UMODL1: variants seen among roughly 807,000 people sequenced by gnomAD.
The protein encoded by UMODL1 is uromodulin-like 1.
A neutral mutation model predicts 136.3 loss-of-function variants in UMODL1; 128 were observed. The observed-to-expected ratio is 0.94, with a 90% CI of 0.81 to 1.09. The LOEUF (loss-of-function observed/expected upper bound fraction) is 1.09, where lower values mean the gene tolerates loss of function less well. UMODL1 is among the 50% of genes least tolerant of loss of function. The probability of loss-of-function intolerance (pLI) is 0.00; values close to 1 mark genes in which losing one functional copy is unlikely to be tolerated. For missense variants in UMODL1, 1,766 were observed against 1,725.6 expected, an observed-to-expected ratio of 1.02 and a Z score of -0.41; for synonymous variants, 721 against 720.0, an observed-to-expected ratio of 1.00 and a Z score of -0.02.
intron 6 of UMODL1, among the ~76,000 whole-genome samples, chr21:42,093,041 T>G (rs1374780462): frequency 1.3e-5 from 2 of 152,298 alleles, no homozygotes; most frequent in African/African-American, 4.8e-5. Context: ...GGGGCTGCCT[T>G]TTGTCCCAGT....
rs149424386 is a variant in UMODL1, at chr21:42,142,711, A to G, written c.*637A>G. ...CTCGATTAATGTGACAACCTTTTCA[A>G]TAAGCAGAAATAACGTAGGTACACA... On this transcript the variant is annotated 3_prime_UTR_variant, in exon 23 of 23. Transcript: ENST00000408910. The G allele has an allele frequency of 0.019, 2,822 of 152,368 alleles. 47 individuals are homozygous for G. The highest frequency in any genetic ancestry group is 0.028 in the Non-Finnish European group (1,922 of 68,034). 9.4% of individuals were successfully genotyped at this position (152,368 alleles called of 1,614,324 possible).
At chr21:42,075,907 G>A in intron 1 of UMODL1, 98 bp from the exon 2 acceptor site, 2 of 1,538,824 alleles carry the variant, frequency 1.3e-6, no homozygotes, top group Non-Finnish European at 8.8e-7. Context: ...CGGGAGGTGT[G>A]CTCTCACTTG....
chr21:42,123,070 T>G lies in UMODL1; in HGVS notation c.3067T>G (p.Ser1023Ala). ...GTCCTCGTTGTACCTCAGCCACCCC[T>G]CCTGCAACGTGAGCCACAGCAATGG... The part of the protein sequence containing the change: ...PESSLYLSHP[S>A]CNVSHSNGTH... The change falls in exon 17 of 23, where the codon TCC (serine) becomes GCC (alanine). Residue 1023 changes from serine to alanine, a missense_variant. Transcript: ENST00000408910. This position sits in a 1 kb window ranked among gnomAD's most constrained non-coding sequence, Gnocchi z 4.4. 2 of 1,614,032 alleles carry G rather than the reference T, an allele frequency of 1.2e-6. No individual in the cohort carries two copies. Among genetic ancestry groups the G allele is most frequent in the Non-Finnish European group, 1.7e-6 (2 of 1,180,012 alleles).
upstream of UMODL1, among the ~76,000 whole-genome samples, chr21:42,068,286 G>C (rs889135613): frequency 6.6e-6 from 1 of 152,214 alleles, no homozygotes; most frequent in African/African-American, 2.4e-5. The surrounding 1 kb of genome is among the most constrained non-coding windows in gnomAD (Gnocchi z 5.5). Flanking sequence ...CGGATGCCGG[G>C]GGGCCTATCC....
In UMODL1 at chr21:42,085,560, A is replaced by C; in HGVS notation, c.603+148A>C. On this transcript the variant is annotated intron_variant, in intron 4 of 22. Coordinates refer to ENST00000408910, the MANE Select transcript of UMODL1 (RefSeq NM_001004416.3). The surrounding 1 kb of genome is among the most constrained non-coding windows in gnomAD (Gnocchi z 4.5). ...AATGACTGACTCTGAACGAAATTCT[A>C]GTTCTTAAAAAATCAGCTTCAAAGA... 2 of 1,246,762 alleles carry C rather than the reference A, an allele frequency of 1.6e-6. No individual in the cohort carries two copies. Among genetic ancestry groups the C allele is most frequent in the Non-Finnish European group, 2.2e-6 (2 of 894,102 alleles). The allele number at this position is 1,246,762 out of a possible 1,614,324, so 77.2% of individuals were successfully genotyped here. A position where few individuals can be genotyped will look rare whatever the true frequency, so the allele number is the denominator to read the frequency against.
rs35813151 is a variant in UMODL1 at position 42,123,480 on chromosome 21, AGT to A, written c.3147+342_3147+343del. Among the ~76,000 whole-genome samples, 43,867 of 151,306 alleles carry A rather than the reference AGT, an allele frequency of 0.29. 6,481 individuals carry two copies. The highest frequency in any genetic ancestry group is 0.39 in the Middle Eastern group (114 of 294). ...GCCAAGGAGTCCTGTGTGATATGAG[AGT>A]GTGTGTGTGTGAGTGTACGTGTGTG... On this transcript the variant is annotated intron_variant, in intron 17 of 22. Transcript: ENST00000408910. The surrounding 1 kb of genome is among the most constrained non-coding windows in gnomAD (Gnocchi z 4.4).
chr21:42,085,363 A>T lies in UMODL1; in HGVS notation c.554A>T (p.Gln185Leu), dbSNP rs941201801. 7 of 1,613,982 alleles carry T rather than the reference A, an allele frequency of 4.3e-6. No individual in the cohort carries two copies. In the African/African-American group the frequency reaches 9.3e-5, roughly 22 times the overall value. ...ILVKMDFKEL[Q>L]QVDPRLLNHM... The stretch of plus-strand genomic sequence containing the variant: ...GTGAAAATGGACTTCAAGGAACTCC[A>T]GCAAGTGGACCCCAGGCTCCTGAAC... The change falls in exon 4 of 23, where the codon CAG becomes CTG. Residue 185 changes from glutamine (Q) to leucine (L), a missense_variant. Gln to Leu is a moderately radical substitution (Grantham distance 113, BLOSUM62 -2). Transcript: ENST00000408910. The surrounding 1 kb of genome is among the most constrained non-coding windows in gnomAD (Gnocchi z 4.5).
At chr21:42,137,257 A>G (rs912642403) in intron 21 of UMODL1, among the ~76,000 whole-genome samples, 182 bp from the exon 22 acceptor site, 1 of 152,242 alleles carries the variant, frequency 6.6e-6, no homozygotes, top group Non-Finnish European at 1.5e-5. Context: ...CCTTACTGCA[A>G]TGCTGTCCTG....
intron 9 of UMODL1, among the ~76,000 whole-genome samples, chr21:42,107,920 A>T (rs922485850): frequency 6.6e-6 from 1 of 152,162 alleles, no homozygotes; most frequent in Non-Finnish European, 1.5e-5. Context: ...GGCCAGTGGG[A>T]GCAGTGTGCA....
intron 2 of UMODL1, among the ~76,000 whole-genome samples, chr21:42,081,164 G>A (rs1829105953): frequency 6.6e-6 from 1 of 152,174 alleles, no homozygotes; most frequent in South Asian, 2.1e-4. Context: ...AGAGGACCAG[G>A]AGACTCCCCA....
intron 2 of UMODL1, among the ~76,000 whole-genome samples, chr21:42,083,108 T>C (rs1331498216): frequency 1.3e-5 from 2 of 152,154 alleles, no homozygotes; most frequent in African/African-American, 2.4e-5. Flanking sequence ...ACTCACACTG[T>C]GAAGGGCTGG....
chr21:42,085,203 C>T lies in UMODL1; in HGVS notation c.482-88C>T. On this transcript the variant is annotated intron_variant, in intron 3 of 22. Transcript: ENST00000408910. This position sits in a 1 kb window ranked among gnomAD's most constrained non-coding sequence, Gnocchi z 4.5. ...GCAGGGCCTCTCATGGCCTCTGGTT[C>T]CCTCTCCTGCCCCCTCTCCCACCCC... 1.3e-6 allele frequency: 2 copies of T among 1,519,866 alleles called. No homozygotes were observed. The highest frequency in any genetic ancestry group is 1.8e-6 in the Non-Finnish European group (2 of 1,123,452). 94.1% of individuals were successfully genotyped at this position (1,519,866 alleles called of 1,614,324 possible). A position where few individuals can be genotyped will look rare whatever the true frequency, so the allele number is the denominator to read the frequency against.
rs1353777719 is a variant in UMODL1, at chr21:42,099,399, C to T, written c.1186+219C>T. On this transcript the variant is annotated intron_variant, in intron 7 of 22. Coordinates refer to ENST00000408910, the MANE Select transcript of UMODL1 (RefSeq NM_001004416.3). This position sits in a 1 kb window ranked among gnomAD's most constrained non-coding sequence, Gnocchi z 4.1. ...CTGGCTCCCTCGCTTCCCTACATGT[C>T]GTCCTGTTAGGGGTTCGTTCTGCCG... 6.6e-5 allele frequency among the ~76,000 whole-genome samples: 10 copies of T among 152,148 alleles called. No homozygotes were observed. The highest frequency in any genetic ancestry group is 1.3e-4 in the Admixed American group (2 of 15,278).
chr21:42,076,227 T>A lies in UMODL1; in HGVS notation c.299T>A (p.Leu100His), dbSNP rs2066289627. The change falls in exon 2 of 23, where the codon CTC becomes CAC. Residue 100 changes from leucine to histidine, a missense_variant. Leu to His is a moderately conservative substitution (Grantham distance 99, BLOSUM62 -3). Coordinates refer to ENST00000408910, the MANE Select transcript of UMODL1 (RefSeq NM_001004416.3). ...GACTGCTGTGAGGGCTATGAACAGC[T>A]CGGCCTCTACTGTGTCTTGCGTGAG... is the stretch of plus-strand genomic sequence containing the variant. ...VTDCCEGYEQLGLYCVLPLNQ... is the reference protein window; with the variant it reads ...VTDCCEGYEQHGLYCVLPLNQ... 2.5e-6 allele frequency: 4 copies of A among 1,614,088 alleles called. No individual in the cohort carries two copies. Among genetic ancestry groups the A allele is most frequent in the Non-Finnish European group, 3.4e-6 (4 of 1,180,036 alleles).
At chr21:42,135,770 C>G (rs1310622307) in intron 21 of UMODL1, among the ~76,000 whole-genome samples, 2 of 152,256 alleles carry the variant, frequency 1.3e-5, no homozygotes, top group South Asian at 2.1e-4. Context: ...CCCTGTCCCT[C>G]TCTCTGGAGG....
Position 42,077,622 on chromosome 21 carries a change from T to C in UMODL1, c.319+1375T>C, listed in dbSNP as rs145891267. Among the ~76,000 whole-genome samples, 900 of 152,340 alleles carry C rather than the reference T, an allele frequency of 5.9e-3. 3 individuals carry two copies. Among genetic ancestry groups the C allele is most frequent in the African/African-American group, 0.02 (840 of 41,568 alleles). On this transcript the variant is annotated intron_variant, in intron 2 of 22. Coordinates refer to ENST00000408910, the MANE Select transcript of UMODL1 (RefSeq NM_001004416.3). ...GACGAATTCCTGGGAACTGCGGATA[T>C]AGCTCGCCACAGTATCTTATCAGTT...
chr21:42,110,623 C>T (rs572855667), intron 10 of UMODL1, among the ~76,000 whole-genome samples: 8 of 152,308 alleles, frequency 5.3e-5, no homozygotes, highest in African/African-American at 9.6e-5. Context: ...TGTAGCCCCC[C>T]GGGTGGATCC....
At chr21:42,118,812 G>A (rs1159173296) in intron 14 of UMODL1, among the ~76,000 whole-genome samples, 1 of 152,194 alleles carries the variant, frequency 6.6e-6, no homozygotes, top group Non-Finnish European at 1.5e-5. Context: ...GCCCCATGAG[G>A]TAGGGTCTCT....
At chr21:42,097,526 T>C (rs2066573126) in intron 6 of UMODL1, among the ~76,000 whole-genome samples, 1 of 152,332 alleles carries the variant, frequency 6.6e-6, no homozygotes, top group South Asian at 2.1e-4. Context: ...TTTTTGTTTT[T>C]GTTTTTGTTA....
Sources: gnomAD v4.1 joint callset for allele counts (sites outside exome capture counted in the v4.1 genomes callset) on GRCh38, gnomAD v4.1.1 for gene constraint, Gnocchi (gnomAD v3.1) non-coding constraint, MANE v1.5 for transcripts, NCBI Gene and HGNC (gene_info 2026-07-23, HGNC 2026-07-21) for gene names.